SYDE2: variants seen among roughly 807,000 people sequenced by gnomAD.
The protein encoded by SYDE2 is rho GTPase-activating protein SYDE2.
A neutral mutation model predicts 91.5 loss-of-function variants in SYDE2; 76 were observed. The observed-to-expected ratio is 0.83, with a 90% CI of 0.69 to 1.01. The LOEUF (loss-of-function observed/expected upper bound fraction) is 1.01, where lower values mean the gene tolerates loss of function less well. SYDE2 is among the 50% of genes least tolerant of loss of function. SYDE2 has a pLI of 0.00. For missense variants in SYDE2, 1,364 were observed against 1,367.7 expected (o/e 1.00, Z 0.04); for synonymous variants, 513 against 506.4 (o/e 1.01, Z -0.18).
intron 3 of SYDE2, among the ~76,000 whole-genome samples, chr1:85,180,255 C>A (rs1657860979): frequency 6.6e-6 from 1 of 151,752 alleles, no homozygotes; most frequent in African/African-American, 2.4e-5. Context: ...TAATTCCTGA[C>A]TAAAAGGGTA....
chr1:85,175,219 G>A (rs1657650254), intron 4 of SYDE2, among the ~76,000 whole-genome samples: 1 of 152,186 alleles, frequency 6.6e-6, no homozygotes, highest in Admixed American at 6.5e-5. Context: ...TTATGAATAG[G>A]CTGGGCGCAG....
At chr1:85,195,692 A>G (rs922326778) in intron 1 of SYDE2, among the ~76,000 whole-genome samples, 7 of 152,192 alleles carry the variant, frequency 4.6e-5, no homozygotes, top group African/African-American at 1.4e-4. Context: ...AAAGATGAGC[A>G]GAATAAATAA....
rs1038484251 is a variant in SYDE2, at chr1:85,190,730, C to A, written c.768G>T (p.Gly256=). ...CAAGTTCTCTTCCCTTCATTGAAGA[C>A]CCATAGGCATTTTCAAATAAATCTG... The part of the protein sequence containing the change: ...TLTDLFENAY[G]SSMKGRELEE... Residue 256 remains glycine, a synonymous_variant, in exon 2 of 7, where the codon GGG becomes GGT. Coordinates refer to ENST00000341460, the MANE Select transcript of SYDE2 (RefSeq NM_032184.2). 1 of 1,598,546 alleles carries A rather than the reference C, an allele frequency of 6.3e-7. No homozygotes were observed. Among genetic ancestry groups the A allele is most frequent in the Non-Finnish European group, 8.5e-7 (1 of 1,173,566 alleles).
At chr1:85,192,624 T>C (rs1401338173) in intron 1 of SYDE2, among the ~76,000 whole-genome samples, 1 of 151,994 alleles carries the variant, frequency 6.6e-6, no homozygotes, top group African/African-American at 2.4e-5. Context: ...CACAAATGAG[T>C]GACTATTATG....
At chr1:85,191,757 CAAAAAA>C (rs534474157) in intron 1 of SYDE2, among the ~76,000 whole-genome samples, 2 of 93,466 alleles carry the variant, frequency 2.1e-5, no homozygotes, top group Admixed American at 2.3e-4. Context: ...GATTCCGTCT[CAAAAAA>C]AAAAAAAAAA....
intron 6 of SYDE2, chr1:85,161,299 TG>T (rs1490342602): frequency 1.8e-5 from 3 of 163,102 alleles, no homozygotes; most frequent in African/African-American, 7.2e-5. Flanking sequence ...TGCTAGGACC[TG>T]GGAATATAAA....
In SYDE2 at chr1:85,200,527, G is replaced by C. The variant is rs980532119; in HGVS notation, c.470C>G (p.Pro157Arg). Reference protein sequence around the residue: ...CKDHGCSSGSPFRDPAGSSVI... With the variant: ...CKDHGCSSGSRFRDPAGSSVI... ...AGAGGACCCCGCTGGATCCCTGAAA[G>C]GGCTTCCCGAGGAGCAGCCGTGGTC... The change falls in exon 1 of 7, where the codon CCT (proline) becomes CGT (arginine). Residue 157 changes from proline (P) to arginine (R), a missense_variant. Pro to Arg is a moderately radical substitution (Grantham distance 103, BLOSUM62 -2). Transcript: ENST00000341460. The C allele has an allele frequency of 1.2e-6, 2 of 1,612,890 alleles. No homozygotes were observed. The highest frequency in any genetic ancestry group is 2.7e-5 in the African/African-American group (2 of 74,946).
chr1:85,161,306 A>T (rs1402933542), intron 6 of SYDE2, among the ~76,000 whole-genome samples: 1 of 152,234 alleles, frequency 6.6e-6, no homozygotes, highest in Non-Finnish European at 1.5e-5. Flanking sequence ...ACCTGGGAAT[A>T]TAAAGTTAAA....
intron 2 of SYDE2, among the ~76,000 whole-genome samples, chr1:85,189,063 C>T (rs756902845): frequency 2.6e-5 from 4 of 152,092 alleles, no homozygotes; most frequent in Non-Finnish European, 5.9e-5. Context: ...AAAAGAAGCA[C>T]ATCAGAAAAT....
At chr1:85,161,144 A>G (rs1657043203) in intron 6 of SYDE2, 1 of 983,564 alleles carries the variant, frequency 1.0e-6, no homozygotes, top group Non-Finnish European at 1.2e-6. Context: ...AATGCAGTCT[A>G]TAAGGTTGCT....
chr1:85,195,328 T>C (rs1280735452), intron 1 of SYDE2, among the ~76,000 whole-genome samples: 1 of 152,182 alleles, frequency 6.6e-6, no homozygotes, highest in Admixed American at 6.5e-5. Flanking sequence ...GCATTAAACA[T>C]TTTAATATTT....
At chr1:85,181,907 A>C in intron 3 of SYDE2, 191 bp downstream of exon 3, 1 of 541,406 alleles carries the variant, frequency 1.8e-6, no homozygotes. Context: ...ATCATCTAGC[A>C]TGCTCTCAAT....
At chr1:85,197,685 C>T (rs992213765) in intron 1 of SYDE2, among the ~76,000 whole-genome samples, 2 of 152,040 alleles carry the variant, frequency 1.3e-5, no homozygotes, top group African/African-American at 4.8e-5. Context: ...GACGGAGTCT[C>T]ACTCTGTCTC....
chr1:85,169,834 T>C (rs1329802463), intron 4 of SYDE2, among the ~76,000 whole-genome samples: 1 of 152,046 alleles, frequency 6.6e-6, no homozygotes, highest in East Asian at 1.9e-4. Context: ...ACATCAGACG[T>C]GTCACTATAA....
Position 85,157,098 on chromosome 1 carries a change from A to G in SYDE2, c.*1652T>C, listed in dbSNP as rs1466512115. On this transcript the variant is annotated 3_prime_UTR_variant, in exon 7 of 7. Coordinates refer to ENST00000341460, the MANE Select transcript of SYDE2 (RefSeq NM_032184.2). ...ATAAAAATATTTATCTTTTTTAACAATGGGTTTTCAAATTAAATAATGTCT... is the reference window on the plus strand; with the variant it reads ...ATAAAAATATTTATCTTTTTTAACAGTGGGTTTTCAAATTAAATAATGTCT... The G allele has an allele frequency of 6.6e-6, 1 of 152,044 alleles. No individual in the cohort carries two copies. Among genetic ancestry groups the G allele is most frequent in the African/African-American group, 2.4e-5 (1 of 41,464 alleles). 9.4% of individuals were successfully genotyped at this position (152,044 alleles called of 1,614,324 possible).
At chr1:85,179,425 G>C (rs1390558132) in intron 3 of SYDE2, among the ~76,000 whole-genome samples, 1 of 152,090 alleles carries the variant, frequency 6.6e-6, no homozygotes, top group Non-Finnish European at 1.5e-5. Flanking sequence ...AATAGATACA[G>C]GGAAATATTA....
intron 1 of SYDE2, among the ~76,000 whole-genome samples, chr1:85,195,808 C>A (rs1338018935): frequency 6.6e-6 from 1 of 152,168 alleles, no homozygotes; most frequent in East Asian, 1.9e-4. Context: ...TGATCTGAGG[C>A]AAAGCAGTAT....
rs1397421622 is a variant in SYDE2 at position 85,158,627 on chromosome 1, T to C, written c.*123A>G. On this transcript the variant is annotated 3_prime_UTR_variant, in exon 7 of 7. Transcript: ENST00000341460. ...GTGTTTTTAATTGAATCAGATAAAC[T>C]TATTAAAAATTAATTAAAGATTTCA... The C allele has an allele frequency of 1.8e-5, 10 of 559,614 alleles. No homozygotes were observed. Among genetic ancestry groups the C allele is most frequent in the Admixed American group, 3.7e-5 (1 of 27,266 alleles). The allele number at this position is 559,614 out of a possible 1,614,324, so 34.7% of individuals were successfully genotyped here. A position where few individuals can be genotyped will look rare whatever the true frequency, so the allele number is the denominator to read the frequency against.
Position 85,189,778 on chromosome 1 carries a change from T to C in SYDE2, c.1441+279A>G, listed in dbSNP as rs563631189. ...CTGAGCCTGGAGGTCAAGGCTGCGG[T>C]GCGCCATGATTGTGCCACTGCACTC... is the stretch of plus-strand genomic sequence containing the variant. On this transcript the variant is annotated intron_variant, in intron 2 of 6. Transcript: ENST00000341460. 4.7e-4 allele frequency among the ~76,000 whole-genome samples: 71 copies of C among 152,308 alleles called. 2 individuals carry two copies. The highest frequency in any genetic ancestry group is 3.7e-3 in the South Asian group (18 of 4,824).
Sources: allele counts gnomAD v4.1 joint callset (sites outside exome capture counted in the v4.1 genomes callset), GRCh38; gene constraint gnomAD v4.1.1; transcripts MANE v1.5; gene names NCBI Gene and HGNC (gene_info 2026-07-23, HGNC 2026-07-21).